The following VWA8 variants were observed in gnomAD, a reference collection of about 807,000 sequenced individuals.
VWA8 encodes von Willebrand factor A domain containing 8, also known as von Willebrand factor A domain-containing protein 8.
VWA8 carries 221 observed loss-of-function variants against 241.5 expected under a neutral mutation model. The ratio of observed to expected loss-of-function variants is 0.91; its 90% confidence interval spans 0.82 to 1.02. The LOEUF (loss-of-function observed/expected upper bound fraction) is 1.02, where lower values mean the gene tolerates loss of function less well. Ranked by LOEUF, VWA8 falls within the 50% of genes least tolerant of loss-of-function variation. The probability of loss-of-function intolerance (pLI) is 0.00; values close to 1 mark genes in which losing one functional copy is unlikely to be tolerated. For synonymous variants in VWA8, 852 were observed against 827.1 expected, an observed-to-expected ratio of 1.03 and a Z score of -0.52; for missense variants, 2,322 against 2,328.7, an observed-to-expected ratio of 1.00 and a Z score of 0.06.
intron 2 of VWA8, chr13:41,926,373 C>T (rs1418724493): frequency 3.6e-6 from 2 of 556,506 alleles, no homozygotes; most frequent in Admixed American, 2.2e-5. Context: ...CTTGGATGAA[C>T]TGGGATTCCT....
chr13:41,736,644 C>T (rs770513159), intron 21 of VWA8, among the ~76,000 whole-genome samples: 7 of 151,684 alleles, frequency 4.6e-5, no homozygotes, highest in African/African-American at 1.7e-4. Context: ...AATAGTTAAA[C>T]ATAAGAGTAA....
At chr13:41,950,778 C>A (rs1311820323) in intron 1 of VWA8, among the ~76,000 whole-genome samples, 1 of 151,392 alleles carries the variant, frequency 6.6e-6, no homozygotes, top group Non-Finnish European at 1.5e-5. Context: ...AAGTGATTCT[C>A]CTGCCTCAGC....
At chr13:41,733,344 G>C (rs1412699929) in intron 21 of VWA8, among the ~76,000 whole-genome samples, 1 of 152,170 alleles carries the variant, frequency 6.6e-6, no homozygotes, top group Non-Finnish European at 1.5e-5. Context: ...CTGTGGAGTA[G>C]TGCAAAGAAG....
At chr13:41,667,303 G>A (rs1451056954) in intron 37 of VWA8, among the ~76,000 whole-genome samples, 1 of 152,060 alleles carries the variant, frequency 6.6e-6, no homozygotes, top group East Asian at 1.9e-4. Context: ...TCTTTAAAAG[G>A]GGGAATAGAC....
At chr13:41,874,921 C>G (rs1187335232) in intron 9 of VWA8, among the ~76,000 whole-genome samples, 1 of 152,064 alleles carries the variant, frequency 6.6e-6, no homozygotes, top group Non-Finnish European at 1.5e-5. Flanking sequence ...GGCAATCTAG[C>G]TGCCTCCTCC....
intron 2 of VWA8, among the ~76,000 whole-genome samples, chr13:41,949,087 G>A (rs1181447715): frequency 6.8e-6 from 1 of 147,920 alleles, no homozygotes; most frequent in African/African-American, 2.5e-5. Context: ...GGGTAAAGGG[G>A]TAGGAACACA....
At position 41,777,714 on chromosome 13, in the gene VWA8, GT is replaced by G. The variant is rs552887431; in HGVS notation, c.2349+270del. 3.7e-4 allele frequency among the ~76,000 whole-genome samples: 57 copies of G among 152,318 alleles called. 1 individual carries two copies. The South Asian group carries it at 0.012, about 32-fold the overall frequency. ...ACTACTGCTGCAATCCAGGTGACAG[GT>G]GAAGATCACTGGGGCTAGAGTGACA... On this transcript the variant is annotated intron_variant, in intron 20 of 44. Transcript: ENST00000379310.
At chr13:41,684,551 A>G (rs931077783) in intron 35 of VWA8, among the ~76,000 whole-genome samples, 1 of 152,144 alleles carries the variant, frequency 6.6e-6, no homozygotes, top group African/African-American at 2.4e-5. Context: ...TAAATTAGAG[A>G]GCATGCTAAC....
At chr13:41,753,883 G>A (rs936568202) in intron 21 of VWA8, among the ~76,000 whole-genome samples, 2 of 152,134 alleles carry the variant, frequency 1.3e-5, no homozygotes, top group South Asian at 4.1e-4. Flanking sequence ...ATAGATTAGA[G>A]AAGTCTTAAA....
intron 35 of VWA8, among the ~76,000 whole-genome samples, chr13:41,678,539 G>A (rs1222030138): frequency 2.6e-5 from 4 of 152,216 alleles, no homozygotes; most frequent in Non-Finnish European, 5.9e-5. Context: ...GATGAGTGGA[G>A]CTGCCTCGCT....
At chr13:41,854,599 C>T (rs1171870881) in intron 12 of VWA8, among the ~76,000 whole-genome samples, 1 of 151,640 alleles carries the variant, frequency 6.6e-6, no homozygotes, top group Non-Finnish European at 1.5e-5. Context: ...TTCTTTAAGA[C>T]AAATATGAAA....
chr13:41,764,488 C>T (rs867553589), intron 20 of VWA8, among the ~76,000 whole-genome samples: 2 of 152,140 alleles, frequency 1.3e-5, no homozygotes, highest in African/African-American at 4.8e-5. Flanking sequence ...GTAGGGAACA[C>T]AGACAACACA....
intron 40 of VWA8, among the ~76,000 whole-genome samples, chr13:41,596,700 C>A (rs1352947474): frequency 6.6e-6 from 1 of 151,708 alleles, no homozygotes; most frequent in Non-Finnish European, 1.5e-5. Context: ...TACTTTCACA[C>A]AAAGAATACT....
chr13:41,766,802 C>T (rs1287740830), intron 20 of VWA8, among the ~76,000 whole-genome samples: 1 of 152,178 alleles, frequency 6.6e-6, no homozygotes, highest in Non-Finnish European at 1.5e-5. Flanking sequence ...TGTGCCAGGT[C>T]CTTGGCAGGT....
At chr13:41,831,051 A>G (rs1333845521) in intron 13 of VWA8, among the ~76,000 whole-genome samples, 1 of 152,228 alleles carries the variant, frequency 6.6e-6, no homozygotes, top group African/African-American at 2.4e-5. Context: ...TATCTTTGGA[A>G]TTACAAGATT....
intron 20 of VWA8, among the ~76,000 whole-genome samples, chr13:41,764,414 G>A (rs1429364537): frequency 6.6e-6 from 1 of 151,940 alleles, no homozygotes; most frequent in South Asian, 2.1e-4. Flanking sequence ...TGTACTAGTT[G>A]AGCTGGATAT....
chr13:41,598,701 C>A (rs1391664977), intron 40 of VWA8, among the ~76,000 whole-genome samples: 1 of 152,088 alleles, frequency 6.6e-6, no homozygotes, highest in Non-Finnish European at 1.5e-5. Flanking sequence ...AGAATTGTCT[C>A]TTCAAAATCC....
At chr13:41,630,831 G>C (rs934274276) in intron 37 of VWA8, among the ~76,000 whole-genome samples, 1 of 152,134 alleles carries the variant, frequency 6.6e-6, no homozygotes, top group African/African-American at 2.4e-5. Context: ...TTGTACATAA[G>C]AGGTGCTAAA....
chr13:41,718,683 A>G (rs1420642229), intron 26 of VWA8, among the ~76,000 whole-genome samples: 1 of 151,374 alleles, frequency 6.6e-6, no homozygotes, highest in East Asian at 1.9e-4. Flanking sequence ...ATGGATGAGT[A>G]TACACTTTGG....
Sources: allele counts gnomAD v4.1 joint callset (sites outside exome capture counted in the v4.1 genomes callset), GRCh38; gene constraint gnomAD v4.1.1; transcripts MANE v1.5; gene names NCBI Gene and HGNC (gene_info 2026-07-23, HGNC 2026-07-21).